SPI1: variants seen among roughly 807,000 people sequenced by gnomAD.
SPI1 encodes Spi-1 proto-oncogene.
Under a neutral mutation model 30.7 loss-of-function variants are expected in SPI1, and 3 were observed. The ratio of observed to expected loss-of-function variants is 0.10; its 90% CI spans 0.04 to 0.25. The LOEUF is 0.25. Ranked by LOEUF, SPI1 falls within the 10% of genes least tolerant of loss-of-function variation. The pLI, the probability that SPI1 is intolerant of heterozygous loss-of-function variation, is 1.00. For missense variants in SPI1, 261 were observed against 371.5 expected (o/e 0.70, Z 2.45); for synonymous variants, 169 against 157.1 (o/e 1.08, Z -0.56).
rs78286707 is a variant in SPI1 at position 47,374,082 on chromosome 11, G to A, written c.142+1551C>T. ...CTGACAGCACTGTCTGTGGTGACCC[G>A]AGCCACCAGGGGGCGCCTGTCCCAG... On this transcript the variant is annotated intron_variant, in intron 2 of 4. Transcript: ENST00000378538. This position sits in a 1 kb window ranked among gnomAD's most constrained non-coding sequence, Gnocchi z 4.5. Among the ~76,000 whole-genome samples the A allele has an allele frequency of 1.8e-4, 28 of 152,296 alleles. No homozygotes were observed. The East Asian group carries it at 4.2e-3, about 23-fold the overall frequency.
At chr11:47,363,355 T>C (rs1478289783) in intron 2 of SPI1, among the ~76,000 whole-genome samples, 1 of 151,992 alleles carries the variant, frequency 6.6e-6, no homozygotes, top group African/African-American at 2.4e-5. Context: ...ACCCCGTCTC[T>C]ACTGAAAATA....
intron 2 of SPI1, among the ~76,000 whole-genome samples, chr11:47,366,122 A>G (rs139494872): frequency 6.6e-6 from 1 of 152,094 alleles, no homozygotes; most frequent in Non-Finnish European, 1.5e-5. Context: ...TCCTTCATCC[A>G]TCCATTCATC....
intron 2 of SPI1, among the ~76,000 whole-genome samples, chr11:47,368,492 C>T (rs1422643826): frequency 6.6e-6 from 1 of 152,218 alleles, no homozygotes; most frequent in African/African-American, 2.4e-5. Context: ...AGCCAAACGG[C>T]AGAAACACCC....
intron 1 of SPI1, 70 bp downstream of exon 1, chr11:47,378,239 G>C: frequency 6.6e-7 from 1 of 1,522,514 alleles, no homozygotes; most frequent in South Asian, 1.1e-5. Context: ...GTGGGCTGGC[G>C]GGTTCGTGGG....
At chr11:47,360,800 G>T (rs1248845635) in intron 2 of SPI1, among the ~76,000 whole-genome samples, 1 of 142,652 alleles carries the variant, frequency 7.0e-6, no homozygotes, top group African/African-American at 2.6e-5. Flanking sequence ...ACTCCAGCCT[G>T]GCGACAGAGT....
chr11:47,360,948 C>G (rs981869598), intron 2 of SPI1, among the ~76,000 whole-genome samples: 1 of 151,502 alleles, frequency 6.6e-6, no homozygotes, highest in Non-Finnish European at 1.5e-5. Context: ...AGTGAAACCC[C>G]GTCTCTAGTA....
intron 2 of SPI1, among the ~76,000 whole-genome samples, chr11:47,363,291 C>A (rs1019128539): frequency 1.3e-5 from 2 of 152,252 alleles, no homozygotes; most frequent in East Asian, 3.9e-4. Flanking sequence ...GAGGCCAAGG[C>A]GAGCGAATCA....
At chr11:47,355,626 G>T in intron 4 of SPI1, 80 bp from the exon 5 acceptor site, 1 of 1,277,616 alleles carries the variant, frequency 7.8e-7, no homozygotes, top group African/African-American at 1.5e-5. Context: ...ACGCACAGGG[G>T]CCCGGGGACG....
At chr11:47,358,558 C>T (rs558712626) in intron 4 of SPI1, 2 of 698,996 alleles carry the variant, frequency 2.9e-6, no homozygotes, top group East Asian at 5.4e-5. Context: ...GCACACGCAC[C>T]CTCTGCACAC....
At chr11:47,371,384 AG>A (rs1431279327) in intron 2 of SPI1, among the ~76,000 whole-genome samples, 2 of 3,908 alleles carry the variant, frequency 5.1e-4, no homozygotes, top group African/African-American at 9.5e-4. Context: ...AAAAAAAAAA[AG>A]GCAAGGCGTG....
chr11:47,359,244 C>T lies in SPI1; in HGVS notation c.331-238G>A, dbSNP rs1309490530. Among the ~76,000 whole-genome samples, 3 of 152,178 alleles carry T rather than the reference C, an allele frequency of 2.0e-5. No homozygotes were observed. Among genetic ancestry groups the T allele is most frequent in the African/African-American group, 4.8e-5 (2 of 41,436 alleles). ...GCCCACCCAGCCCTCCCAGCTGGGC[C>T]TCCTGGTTTAGGACTGTGGGCACCG... On this transcript the variant is annotated intron_variant, in intron 3 of 4. Transcript: ENST00000378538. This position sits in a 1 kb window ranked among gnomAD's most constrained non-coding sequence, Gnocchi z 5.1.
At chr11:47,370,300 G>A (rs934276459) in intron 2 of SPI1, among the ~76,000 whole-genome samples, 3 of 151,902 alleles carry the variant, frequency 2.0e-5, no homozygotes, top group Non-Finnish European at 4.4e-5. Flanking sequence ...CTACCCAGGA[G>A]GCTGAAGCAG....
At position 47,355,551 on chromosome 11, in the gene SPI1, G is replaced by A. The variant is rs550256264; in HGVS notation, c.494-5C>T. 5.2e-6 allele frequency: 8 copies of A among 1,543,290 alleles called. No individual in the cohort carries two copies. The highest frequency in any genetic ancestry group is 1.9e-5 in the Admixed American group (1 of 53,882). On this transcript the variant is annotated splice_region_variant and splice_polypyrimidine_tract_variant and intron_variant, in intron 4 of 4. Transcript: ENST00000378538. ...GGCGGATCTTCTTCTTGCTGCCTGCGGGGGGGAGGGCCCGGTGGGAGGGGG... is the reference window on the plus strand; with the variant it reads ...GGCGGATCTTCTTCTTGCTGCCTGCAGGGGGGAGGGCCCGGTGGGAGGGGG...
rs1390161780 is a variant in SPI1, at chr11:47,358,622, A to C, written c.493+222T>G. On this transcript the variant is annotated intron_variant, in intron 4 of 4. Transcript: ENST00000378538. ...ACTCATGGCACAGAGAGACACACAC[A>C]CCTGGCACACTTCATGGAGATGCCC... 3 of 705,572 alleles carry C rather than the reference A, an allele frequency of 4.3e-6. No individual in the cohort carries two copies. The East Asian group carries it at 8.0e-5, about 19-fold the overall frequency. 43.7% of individuals were successfully genotyped at this position (705,572 alleles called of 1,614,324 possible).
At position 47,378,382 on chromosome 11, in the gene SPI1, C is replaced by G. The variant is rs771606545; in HGVS notation, c.-29G>C. On this transcript the variant is annotated 5_prime_UTR_variant, in exon 1 of 5. Coordinates refer to ENST00000378538, the MANE Select transcript of SPI1 (RefSeq NM_003120.3). ...GCCGGGCTCCGAGTCGGTCAGATCC[C>G]CTGCCTCGGTGGGGGCCAATGCAGA... The G allele has an allele frequency of 7.5e-6, 12 of 1,607,188 alleles. No homozygotes were observed. Among genetic ancestry groups the G allele is most frequent in the Non-Finnish European group, 9.3e-6 (11 of 1,176,994 alleles).
Position 47,359,728 on chromosome 11 carries a change from G to A in SPI1, c.330+125C>T, listed in dbSNP as rs542063740. 6.1e-5 allele frequency: 67 copies of A among 1,093,924 alleles called. No homozygotes were observed. Among genetic ancestry groups the A allele is most frequent in the East Asian group, 3.2e-4 (13 of 40,630 alleles). The allele number at this position is 1,093,924 out of a possible 1,614,324, so 67.8% of individuals were successfully genotyped here. Reference sequence around the variant, plus strand: ...GGCGGCAGCCGTTGGAGCTCCAGCCGCCGTTGGCACTGTGGGGCAGGAAGC... The same window carrying A: ...GGCGGCAGCCGTTGGAGCTCCAGCCACCGTTGGCACTGTGGGGCAGGAAGC... On this transcript the variant is annotated intron_variant, in intron 3 of 4. Transcript: ENST00000378538. This position sits in a 1 kb window ranked among gnomAD's most constrained non-coding sequence, Gnocchi z 5.1.
chr11:47,376,771 G>T (rs1216108073), intron 1 of SPI1, among the ~76,000 whole-genome samples: 1 of 152,154 alleles, frequency 6.6e-6, no homozygotes, highest in Non-Finnish European at 1.5e-5. Context: ...TGTGGCCCAG[G>T]ATTGCATAAC....
In SPI1 at chr11:47,374,158, G is replaced by C. The variant is rs562522491; in HGVS notation, c.142+1475C>G. Among the ~76,000 whole-genome samples the C allele has an allele frequency of 2.6e-5, 4 of 152,204 alleles. No individual in the cohort carries two copies. Among genetic ancestry groups the C allele is most frequent in the Admixed American group, 2.0e-4 (3 of 15,288 alleles). On this transcript the variant is annotated intron_variant, in intron 2 of 4. Coordinates refer to ENST00000378538, the MANE Select transcript of SPI1 (RefSeq NM_003120.3). The surrounding 1 kb of genome is among the most constrained non-coding windows in gnomAD (Gnocchi z 4.5). The stretch of plus-strand genomic sequence containing the variant: ...TGGAACCGCTTGGGAAGGTGGGTGC[G>C]TGGTCTCTGGGTCCCCCAGACCGGG...
chr11:47,366,495 T>C (rs1018771032), intron 2 of SPI1, among the ~76,000 whole-genome samples: 4 of 151,960 alleles, frequency 2.6e-5, no homozygotes, highest in Non-Finnish European at 5.9e-5. Flanking sequence ...AAAAAAACCT[T>C]CTCAGAAGAT....
Sources: gnomAD v4.1 joint callset for allele counts (sites outside exome capture counted in the v4.1 genomes callset) on GRCh38, gnomAD v4.1.1 for gene constraint, Gnocchi (gnomAD v3.1) non-coding constraint, MANE v1.5 for transcripts, NCBI Gene and HGNC (gene_info 2026-07-23, HGNC 2026-07-21) for gene names.